FAM153A: variants seen among roughly 807,000 people sequenced by gnomAD.
The protein encoded by FAM153A is family with sequence similarity 153 member A.
FAM153A carries 12 observed loss-of-function variants against 48.1 expected under a neutral mutation model. The observed-to-expected ratio is 0.25, with a 90% CI of 0.16 to 0.40. FAM153A has a LOEUF of 0.40. FAM153A is among the 10% of genes least tolerant of loss of function. FAM153A has a pLI of 1.00. For missense variants in FAM153A, 111 were observed against 345.8 expected, an observed-to-expected ratio of 0.32 and a Z score of 5.38; for synonymous variants, 36 against 118.2, an observed-to-expected ratio of 0.30 and a Z score of 4.51.
At chr5:177,722,465 TAA>T (rs1281958284), downstream of FAM153A, 29 of 143,382 alleles carry the variant, frequency 2.0e-4, no homozygotes, top group African/African-American at 7.4e-4. Context: ...GCAAAGATTA[TAA>T]AAGTTTTTGG....
chr5:177,716,204 G>C (rs1330755670), intron 25 of FAM153A: 1 of 151,434 alleles, frequency 6.6e-6, no homozygotes, highest in Non-Finnish European at 1.5e-5. Context: ...GGATGGTCTT[G>C]ATCTCTTGAC....
chr5:177,695,935 C>T, the FAM153A span, among the ~76,000 whole-genome samples: 258 of 96,006 alleles, frequency 2.7e-3, 9 homozygotes, highest in African/African-American at 8.1e-3. Context: ...AGGGGCACTC[C>T]CCACTTCCCA....
downstream of FAM153A, chr5:177,707,924 A>G (rs1314682809): frequency 6.6e-6 from 1 of 151,944 alleles, no homozygotes; most frequent in Non-Finnish European, 1.5e-5. Flanking sequence ...GTGGCCAAAC[A>G]GTATTAAACT....
chr5:177,781,287 T>C (rs935310928), upstream of FAM153A, among the ~76,000 whole-genome samples: 1 of 128,576 alleles, frequency 7.8e-6, no homozygotes, highest in Non-Finnish European at 1.7e-5. Flanking sequence ...TTTTTTTTTT[T>C]TGTATTTTTA....
At chr5:177,751,754 A>T (rs1375843635) in intron 1 of FAM153A, among the ~76,000 whole-genome samples, 2 of 122,874 alleles carry the variant, frequency 1.6e-5, no homozygotes, top group Non-Finnish European at 3.4e-5. Flanking sequence ...AACACTGACG[A>T]ATGATAGATC....
At chr5:177,737,243 C>T in intron 10 of FAM153A, 131 bp from the exon 13 acceptor site, 1 of 1,586,624 alleles carries the variant, frequency 6.3e-7, no homozygotes. Flanking sequence ...TGCTGCCAGT[C>T]CATCCTCCAT....
chr5:177,754,296 C>T (rs1424140330), upstream of FAM153A, among the ~76,000 whole-genome samples: 1 of 151,846 alleles, frequency 6.6e-6, no homozygotes, highest in African/African-American at 2.4e-5. Context: ...GGTAGGGGCG[C>T]CCGCCATTGC....
chr5:177,707,727 T>C (rs191857598), downstream of FAM153A, among the ~76,000 whole-genome samples: 1,623 of 151,746 alleles, frequency 0.011, 13 homozygotes, highest in Non-Finnish European at 0.015. Context: ...GCCCAGCTAA[T>C]TTGCTGTATT....
At chr5:177,778,330 C>A (rs1582548483) in intron 1 of FAM153A, among the ~76,000 whole-genome samples, 1 of 67,730 alleles carries the variant, frequency 1.5e-5, no homozygotes, top group Non-Finnish European at 2.8e-5. Flanking sequence ...AAATAAGCAG[C>A]AATCCTAGTT....
At chr5:177,752,932 C>CAA (rs374466697) in intron 1 of FAM153A, among the ~76,000 whole-genome samples, 313 of 97,646 alleles carry the variant, frequency 3.2e-3, no homozygotes, top group Middle Eastern at 0.032. Context: ...TTCACTCTTC[C>CAA]AAAAAAAAAA....
At chr5:177,704,651 C>T (rs539388746), downstream of FAM153A, among the ~76,000 whole-genome samples, 1 of 151,730 alleles carries the variant, frequency 6.6e-6, no homozygotes, top group Non-Finnish European at 1.5e-5. Context: ...TTAGCACTAT[C>T]CCCGTGGTGC....
In FAM153A at chr5:177,734,155, C is replaced by T. The variant is rs1034337260; in HGVS notation, c.760+225G>A. Among the ~76,000 whole-genome samples the T allele has an allele frequency of 5.2e-4, 63 of 120,000 alleles. 4 individuals are homozygous for T. The highest frequency in any genetic ancestry group is 1.3e-3 in the Admixed American group (15 of 11,196). 78.7% of individuals were successfully genotyped at this position (120,000 alleles called of 152,430 possible). On this transcript the variant is annotated intron_variant, in intron 14 of 20. Transcript: ENST00000614127. ...AAAAGACATGAGCAGGCCCCTTGCACGGGATCCCACCCCACCTTCAGAGAA... is the reference window on the plus strand; with the variant it reads ...AAAAGACATGAGCAGGCCCCTTGCATGGGATCCCACCCCACCTTCAGAGAA...
At chr5:177,713,533 A>T in intron 26 of FAM153A, among the ~76,000 whole-genome samples, 1 of 151,532 alleles carries the variant, frequency 6.6e-6, no homozygotes, top group East Asian at 1.9e-4. Context: ...CTGGGATTAC[A>T]GGCGTGAGCA....
At chr5:177,697,117 T>C in the FAM153A span, among the ~76,000 whole-genome samples, 4 of 151,738 alleles carry the variant, frequency 2.6e-5, no homozygotes, top group Admixed American at 6.6e-5. Flanking sequence ...TTAATTTCTC[T>C]CAGCACCAGT....
At chr5:177,699,377 T>G in the FAM153A span, among the ~76,000 whole-genome samples, 8 of 151,254 alleles carry the variant, frequency 5.3e-5, no homozygotes, top group African/African-American at 1.2e-4. Context: ...AGAAAAACAA[T>G]GGAAAAAAAT....
chr5:177,709,793 C>T (rs1367498042), downstream of FAM153A, among the ~76,000 whole-genome samples: 3 of 123,466 alleles, frequency 2.4e-5, no homozygotes, highest in Non-Finnish European at 5.1e-5. Context: ...GCCTCAGCCT[C>T]GCTAAGGAGC....
At chr5:177,782,676 T>A (rs1440924284), upstream of FAM153A, 3 of 86,916 alleles carry the variant, frequency 3.5e-5, no homozygotes, top group East Asian at 6.9e-4. Context: ...CAAACCCCAA[T>A]CCGTGATCCA....
the FAM153A span, among the ~76,000 whole-genome samples, chr5:177,700,874 T>C: frequency 6.6e-6 from 1 of 151,820 alleles, no homozygotes; most frequent in Admixed American, 6.6e-5. Flanking sequence ...ACCCTAGTAA[T>C]GAACACTCAA....
At position 177,715,518 on chromosome 5, in the gene FAM153A, A is replaced by AT. The variant is rs199961222; in HGVS notation, c.*1222+826dup. Among the ~76,000 whole-genome samples, 911 of 151,150 alleles carry AT rather than the reference A, an allele frequency of 6.0e-3. 19 individuals are homozygous for AT. The highest frequency in any genetic ancestry group is 0.021 in the African/African-American group (877 of 40,806). ...TTTTAAGGCTGACCTACAGATAGGA[A>AT]TTTTTTTTCCAATCCAAGCAATAAA... is the stretch of plus-strand genomic sequence containing the variant. On this transcript the variant is annotated intron_variant and NMD_transcript_variant, in intron 25 of 26. Transcript: ENST00000360669.
Sources: allele counts gnomAD v4.1 joint callset (sites outside exome capture counted in the v4.1 genomes callset), GRCh38; gene constraint gnomAD v4.1.1; transcripts MANE v1.5; gene names NCBI Gene and HGNC (gene_info 2026-07-23, HGNC 2026-07-21).